Variants in ZC3H3 observed in about 807,000 individuals in gnomAD.
ZC3H3 encodes zinc finger CCCH-type containing 3, also known as zinc finger CCCH domain-containing protein 3.
A neutral mutation model predicts 77.3 loss-of-function variants in ZC3H3; 36 were observed. The observed-to-expected ratio is 0.47, with a 90% CI of 0.36 to 0.61. The LOEUF (loss-of-function observed/expected upper bound fraction) is 0.61. Among genes scored for constraint, ZC3H3 ranks in the 20% least tolerant of loss-of-function variants. The probability of loss-of-function intolerance (pLI) is 0.00; values close to 1 mark genes in which losing one functional copy is unlikely to be tolerated. For missense variants in ZC3H3, 1,331 were observed against 1,312.2 expected (o/e 1.01, Z -0.22); for synonymous variants, 626 against 555.2 (o/e 1.13, Z -1.79).
chr8:143,452,908 T>C (rs1820024456), intron 9 of ZC3H3, among the ~76,000 whole-genome samples: 1 of 152,128 alleles, frequency 6.6e-6, no homozygotes, highest in African/African-American at 2.4e-5. Context: ...ATACAAACTT[T>C]ACAAATTTGG....
At chr8:143,500,816 C>CT (rs1304512040) in intron 4 of ZC3H3, among the ~76,000 whole-genome samples, 5 of 56,870 alleles carry the variant, frequency 8.8e-5, no homozygotes, top group South Asian at 9.9e-4. Context: ...GTCACAATGT[C>CT]TATTTTTTTT....
At chr8:143,452,648 A>G (rs1165930326) in intron 9 of ZC3H3, among the ~76,000 whole-genome samples, 1 of 151,658 alleles carries the variant, frequency 6.6e-6, no homozygotes, top group Non-Finnish European at 1.5e-5. Context: ...ATACAGTAGA[A>G]CCAAATGAAA....
chr8:143,521,950 C>A (rs1822255271), intron 3 of ZC3H3, among the ~76,000 whole-genome samples: 2 of 152,198 alleles, frequency 1.3e-5, no homozygotes, highest in Admixed American at 1.3e-4. Context: ...TGGGAGTCCT[C>A]CCTGCTGGGG....
At position 143,541,418 on chromosome 8, in the gene ZC3H3, C is replaced by G. The variant is rs745883230; in HGVS notation, c.4G>C (p.Glu2Gln). Residue 2 changes from glutamate to glutamine, a missense_variant, in exon 1 of 12, where the codon GAG (glutamate) becomes CAG (glutamine). Physicochemically the swap from Glu to Gln is conservative, Grantham distance 29. Around this residue, in one of 3 missense-constraint regions of ZC3H3, gnomAD observed 978 missense variants for 915.5 expected, o/e 1.07. Coordinates refer to ENST00000262577, the MANE Select transcript of ZC3H3 (RefSeq NM_015117.3). Reference sequence around the variant, plus strand: ...TGCCGCCGTAATATCTCCTTTTCCTCCATCTCCCGAGTCCGCGACGGCCGG... The same window carrying G: ...TGCCGCCGTAATATCTCCTTTTCCTGCATCTCCCGAGTCCGCGACGGCCGG... M[E>Q]EKEILRRQIR... The G allele has an allele frequency of 4.3e-6, 7 of 1,611,778 alleles. No individual in the cohort carries two copies. Among genetic ancestry groups the G allele is most frequent in the Non-Finnish European group, 5.9e-6 (7 of 1,179,432 alleles).
intron 9 of ZC3H3, among the ~76,000 whole-genome samples, chr8:143,441,617 C>T (rs1039894344): frequency 6.6e-6 from 1 of 152,184 alleles, no homozygotes; most frequent in Non-Finnish European, 1.5e-5. Context: ...TCCCTAGCAC[C>T]TGTCACAGTG....
At chr8:143,532,943 C>T (rs1204793270) in intron 3 of ZC3H3, among the ~76,000 whole-genome samples, 1 of 152,218 alleles carries the variant, frequency 6.6e-6, no homozygotes, top group Non-Finnish European at 1.5e-5. Flanking sequence ...GGCCTCTCAC[C>T]TCCGCGCACA....
chr8:143,451,642 T>G lies in ZC3H3; in HGVS notation c.2308-10522A>C, dbSNP rs909698570. On this transcript the variant is annotated intron_variant, in intron 9 of 11. Transcript: ENST00000262577. ...CTACTAAAAATATAAAAATTAGCCT[T>G]GCATGGTGGTGCACACCTGTAATCC... Among the ~76,000 whole-genome samples, 3 of 151,678 alleles carry G rather than the reference T, an allele frequency of 2.0e-5. No individual in the cohort carries two copies. The East Asian group carries it at 5.8e-4, about 29-fold the overall frequency.
chr8:143,488,644 A>G (rs389111), intron 4 of ZC3H3, among the ~76,000 whole-genome samples: 150,870 of 151,146 alleles, frequency 1, 75,297 homozygotes, highest in East Asian at 1. Flanking sequence ...GAGTGGGAAG[A>G]GCCAGAGGGA....
intron 9 of ZC3H3, among the ~76,000 whole-genome samples, chr8:143,453,525 A>G (rs1395252050): frequency 6.6e-6 from 1 of 152,250 alleles, no homozygotes. Context: ...TCCCATATTC[A>G]GTGAATTATC....
At position 143,533,392 on chromosome 8, in the gene ZC3H3, C is replaced by T. The variant is rs1294267406; in HGVS notation, c.1561+2865G>A. On this transcript the variant is annotated intron_variant, in intron 3 of 11. Transcript: ENST00000262577. This position sits in a 1 kb window ranked among gnomAD's most constrained non-coding sequence, Gnocchi z 4.0. ...CGCCAACCACCTCTCTGCAGCTGGC[C>T]CTGTGCTCTCCCCCTGCCTGTTCCT... 3.3e-5 allele frequency among the ~76,000 whole-genome samples: 5 copies of T among 152,182 alleles called. No homozygotes were observed. The South Asian group carries it at 1.0e-3, about 32-fold the overall frequency.
intron 3 of ZC3H3, among the ~76,000 whole-genome samples, chr8:143,509,166 A>C (rs1181457521): frequency 6.6e-6 from 1 of 152,186 alleles, no homozygotes; most frequent in Admixed American, 6.5e-5. Flanking sequence ...TGGCCCCAAC[A>C]TGACATCAAA....
rs373213970 is a variant in ZC3H3 at position 143,538,116 on chromosome 8, C to T, written c.1251G>A (p.Gly417=). The change falls in exon 2 of 12, where the codon GGG becomes GGA. Residue 417 remains glycine, a synonymous_variant. Transcript: ENST00000262577. ...CACTGTGTCCTACTGCTGGTCTGTCCCCCGACGGGGACCTAGACAGGACTG... is the reference window on the plus strand; with the variant it reads ...CACTGTGTCCTACTGCTGGTCTGTCTCCCGACGGGGACCTAGACAGGACTG... ...LSPVLSRSPS[G]DRPAVGHSGL... The T allele has an allele frequency of 6.2e-7, 1 of 1,613,156 alleles. No homozygotes were observed. The highest frequency in any genetic ancestry group is 8.5e-7 in the Non-Finnish European group (1 of 1,180,030).
intron 3 of ZC3H3, among the ~76,000 whole-genome samples, chr8:143,518,454 A>T (rs562850393): frequency 6.6e-6 from 1 of 152,336 alleles, no homozygotes; most frequent in South Asian, 2.1e-4. Flanking sequence ...GAGTCCTGGC[A>T]ACACCCTCCA....
At chr8:143,522,768 T>C (rs935435191) in intron 3 of ZC3H3, among the ~76,000 whole-genome samples, 10 of 151,744 alleles carry the variant, frequency 6.6e-5, no homozygotes, top group Non-Finnish European at 1.3e-4. Context: ...AAAAAAGAAA[T>C]ACAAAAATTA....
chr8:143,489,386 A>G (rs1821135836), intron 4 of ZC3H3, among the ~76,000 whole-genome samples: 1 of 152,204 alleles, frequency 6.6e-6, no homozygotes, highest in East Asian at 1.9e-4. Context: ...CAGCCAATGG[A>G]AAGGAGGGAG....
At chr8:143,446,246 T>A (rs1411973127) in intron 9 of ZC3H3, among the ~76,000 whole-genome samples, 1 of 152,166 alleles carries the variant, frequency 6.6e-6, no homozygotes, top group Non-Finnish European at 1.5e-5. Context: ...CTGAGCACAA[T>A]CTGGTGTAGA....
chr8:143,505,087 C>T (rs1431508739), intron 4 of ZC3H3, among the ~76,000 whole-genome samples: 2 of 152,212 alleles, frequency 1.3e-5, no homozygotes, highest in African/African-American at 4.8e-5. Flanking sequence ...TCCCCTCCCG[C>T]GTGTCCACCA....
intron 4 of ZC3H3, among the ~76,000 whole-genome samples, chr8:143,488,543 T>C (rs988458866): frequency 1.3e-5 from 2 of 148,206 alleles, no homozygotes; most frequent in African/African-American, 2.6e-5. Context: ...CAGCACCCGC[T>C]ACACGGCCCC....
chr8:143,469,489 G>A (rs1001637276), intron 5 of ZC3H3, among the ~76,000 whole-genome samples: 5 of 152,246 alleles, frequency 3.3e-5, no homozygotes, highest in African/African-American at 9.6e-5. Flanking sequence ...GCTAGTGTCT[G>A]TTACTCTAAA....
Sources: allele counts gnomAD v4.1 joint callset (sites outside exome capture counted in the v4.1 genomes callset), GRCh38; gene constraint gnomAD v4.1.1; regional missense constraint gnomAD v4.1.1; non-coding constraint Gnocchi (gnomAD v3.1); transcripts MANE v1.5; gene names NCBI Gene and HGNC (gene_info 2026-07-23, HGNC 2026-07-21).